Variants in TMCC1 observed in about 807,000 individuals in gnomAD.
TMCC1 encodes the protein transmembrane and coiled-coil domains protein 1.
In TMCC1, 15 loss-of-function variants were observed where a neutral mutation model predicts 52.4. The ratio of observed to expected loss-of-function variants is 0.29; its 90% confidence interval spans 0.19 to 0.44. The LOEUF (loss-of-function observed/expected upper bound fraction) is 0.44. Among genes scored for constraint, TMCC1 ranks in the 20% least tolerant of loss-of-function variants. TMCC1 has a pLI of 1.00. For missense variants in TMCC1, 503 were observed against 806.0 expected (o/e 0.62, Z 4.55); for synonymous variants, 279 against 301.9 (o/e 0.92, Z 0.79).
chr3:129,745,396 C>T (rs948863687), intron 4 of TMCC1, among the ~76,000 whole-genome samples: 2 of 152,214 alleles, frequency 1.3e-5, no homozygotes, highest in Admixed American at 6.5e-5. Flanking sequence ...CGCTTCACTC[C>T]GCAGCTCAGC....
intron 4 of TMCC1, among the ~76,000 whole-genome samples, chr3:129,703,790 G>A (rs1324390223): frequency 2.6e-5 from 4 of 152,182 alleles, no homozygotes; most frequent in Non-Finnish European, 5.9e-5. Flanking sequence ...ATTAGCTGAA[G>A]TTTAGGGTAA....
At chr3:129,784,297 G>C (rs2055792476) in intron 4 of TMCC1, among the ~76,000 whole-genome samples, 1 of 152,108 alleles carries the variant, frequency 6.6e-6, no homozygotes, top group Non-Finnish European at 1.5e-5. Flanking sequence ...AAAAGTAATA[G>C]GCTGGGCATG....
chr3:129,783,230 G>A (rs757928742), intron 4 of TMCC1, among the ~76,000 whole-genome samples: 4 of 152,146 alleles, frequency 2.6e-5, no homozygotes, highest in South Asian at 2.1e-4. Flanking sequence ...ATCCTTATTA[G>A]TCTCTATATA....
At chr3:129,878,666 T>C (rs1236698812) in intron 2 of TMCC1, among the ~76,000 whole-genome samples, 1 of 152,192 alleles carries the variant, frequency 6.6e-6, no homozygotes, top group Non-Finnish European at 1.5e-5. Context: ...TCAGATCATG[T>C]CACCCTGCCC....
intron 4 of TMCC1, among the ~76,000 whole-genome samples, chr3:129,824,650 G>A (rs575214578): frequency 6.7e-6 from 1 of 149,806 alleles, no homozygotes; most frequent in South Asian, 2.1e-4. Flanking sequence ...ATCAAGTTTT[G>A]CTACGTAAAG....
intron 4 of TMCC1, among the ~76,000 whole-genome samples, chr3:129,766,561 T>C (rs370553862): frequency 2.6e-4 from 39 of 152,282 alleles, no homozygotes; most frequent in South Asian, 2.5e-3. Context: ...AAAAATCAAA[T>C]GGTTATTTAG....
chr3:129,659,628 T>A (rs1430924055), intron 5 of TMCC1, among the ~76,000 whole-genome samples: 1 of 152,190 alleles, frequency 6.6e-6, no homozygotes, highest in Non-Finnish European at 1.5e-5. Flanking sequence ...TCCCAACACT[T>A]TTGAACCTTA....
At chr3:129,720,374 AG>A (rs2049473667) in intron 4 of TMCC1, among the ~76,000 whole-genome samples, 1 of 152,184 alleles carries the variant, frequency 6.6e-6, no homozygotes, top group Non-Finnish European at 1.5e-5. Context: ...TGTTGCACTG[AG>A]ATCTCCAGCA....
chr3:129,825,496 T>G (rs2107827727), intron 4 of TMCC1, among the ~76,000 whole-genome samples: 1 of 151,970 alleles, frequency 6.6e-6, no homozygotes, highest in South Asian at 2.1e-4. Context: ...AAACTTTCCC[T>G]TTAGAAGCTC....
chr3:129,671,789 T>A (rs1394844856), intron 4 of TMCC1, among the ~76,000 whole-genome samples: 1 of 152,234 alleles, frequency 6.6e-6, no homozygotes. Flanking sequence ...ATCATAATGA[T>A]TTTTATCCAA....
intron 4 of TMCC1, among the ~76,000 whole-genome samples, chr3:129,731,311 C>T (rs932554591): frequency 3.9e-5 from 6 of 152,194 alleles, no homozygotes; most frequent in Non-Finnish European, 7.3e-5. Context: ...GACGCGGTGG[C>T]TCACACCTGT....
At chr3:129,735,684 T>C (rs951963457) in intron 4 of TMCC1, among the ~76,000 whole-genome samples, 3 of 149,086 alleles carry the variant, frequency 2.0e-5, no homozygotes, top group African/African-American at 7.4e-5. Context: ...CCAGGGATTA[T>C]GAAGATTTAA....
intron 5 of TMCC1, among the ~76,000 whole-genome samples, chr3:129,657,997 A>G (rs993880615): frequency 6.6e-6 from 1 of 152,224 alleles, no homozygotes; most frequent in East Asian, 1.9e-4. Flanking sequence ...AAGTATAAAC[A>G]ACCCATATGT....
intron 4 of TMCC1, among the ~76,000 whole-genome samples, chr3:129,698,232 C>T (rs547711774): frequency 5.9e-5 from 9 of 152,062 alleles, no homozygotes; most frequent in South Asian, 2.1e-4. Flanking sequence ...TGGTGGAAGG[C>T]GAAGGAGGAG....
intron 4 of TMCC1, among the ~76,000 whole-genome samples, chr3:129,821,138 TA>T (rs1157916175): frequency 2.6e-5 from 4 of 152,180 alleles, no homozygotes; most frequent in Non-Finnish European, 4.4e-5. Flanking sequence ...CTAAGATCTA[TA>T]TTCTCTGCCT....
rs368224739 is a variant in TMCC1, at chr3:129,738,964, G to A, written c.577-67700C>T. ...CCTGACTACCTGGGACTACAGGCAC[G>A]CGCCACCACGCCCAGCTAATTTTTG... On this transcript the variant is annotated intron_variant, in intron 4 of 6. Coordinates refer to ENST00000393238, the MANE Select transcript of TMCC1 (RefSeq NM_001017395.5). Among the ~76,000 whole-genome samples the A allele has an allele frequency of 1.5e-4, 23 of 152,052 alleles. No individual in the cohort carries two copies. The East Asian group carries it at 2.9e-3, about 19-fold the overall frequency.
intron 4 of TMCC1, among the ~76,000 whole-genome samples, chr3:129,792,708 C>T (rs61440311): frequency 0.041 from 6,166 of 152,124 alleles, 410 homozygotes; most frequent in African/African-American, 0.14. Flanking sequence ...TGATAGACAA[C>T]AAATTTCCTT....
chr3:129,753,947 C>CAA lies in TMCC1; in HGVS notation c.576+73854_576+73855dup, dbSNP rs140879279. ...CTGTCTAGAAAATGCTAAGAATCTACAAAAAAAAAAAAATCCCCCAAACAA... is the reference window on the plus strand; with the variant it reads ...CTGTCTAGAAAATGCTAAGAATCTACAAAAAAAAAAAAAAATCCCCCAAACAA... On this transcript the variant is annotated intron_variant, in intron 4 of 6. Transcript: ENST00000393238. 3.4e-3 allele frequency among the ~76,000 whole-genome samples: 458 copies of CAA among 136,406 alleles called. 5 individuals carry two copies. The highest frequency in any genetic ancestry group is 0.025 in the East Asian group (120 of 4,848). 89.5% of individuals were successfully genotyped at this position (136,406 alleles called of 152,430 possible).
In TMCC1 at chr3:129,810,084, C is replaced by T. The variant is rs114044014; in HGVS notation, c.576+17719G>A. On this transcript the variant is annotated intron_variant, in intron 4 of 6. Coordinates refer to ENST00000393238, the MANE Select transcript of TMCC1 (RefSeq NM_001017395.5). ...CTATGAGCAAAAATCAGGCTGGATG[C>T]GGTAGCTCACACCTGTAATCCCAGC... 4.6e-3 allele frequency among the ~76,000 whole-genome samples: 694 copies of T among 152,220 alleles called. 8 individuals carry two copies. Among genetic ancestry groups the T allele is most frequent in the African/African-American group, 0.016 (659 of 41,512 alleles).
Sources: allele counts gnomAD v4.1 joint callset (sites outside exome capture counted in the v4.1 genomes callset), GRCh38; gene constraint gnomAD v4.1.1; transcripts MANE v1.5; gene names NCBI Gene and HGNC (gene_info 2026-07-23, HGNC 2026-07-21).